The following FAM120B variants were observed in gnomAD, a reference collection of about 807,000 sequenced individuals.
FAM120B encodes the protein family with sequence similarity 120 member B.
In FAM120B, 83 loss-of-function variants were observed where a neutral mutation model predicts 96.3. The observed-to-expected ratio is 0.86, with a 90% CI of 0.72 to 1.03. FAM120B has a LOEUF of 1.03. Among genes scored for constraint, FAM120B ranks in the 50% least tolerant of loss-of-function variants. The pLI, the probability that FAM120B is intolerant of heterozygous loss-of-function variation, is 0.00. For missense variants in FAM120B, 1,027 were observed against 1,121.2 expected (o/e 0.92, Z 1.20); for synonymous variants, 407 against 402.7 (o/e 1.01, Z -0.13).
At chr6:170,331,985 C>T (rs372567206) in intron 4 of FAM120B, among the ~76,000 whole-genome samples, 103 of 152,158 alleles carry the variant, frequency 6.8e-4, no homozygotes, top group African/African-American at 2.2e-3. Flanking sequence ...AACTTTTATA[C>T]GGAGGGCCAC....
chr6:170,393,433 A>T (rs1405381744), intron 8 of FAM120B, among the ~76,000 whole-genome samples: 2 of 152,172 alleles, frequency 1.3e-5, no homozygotes, highest in African/African-American at 4.8e-5. Context: ...ATAGAAACTA[A>T]ATTTTGACTA....
In FAM120B at chr6:170,394,670, T is replaced by G. The variant is rs1790635766; in HGVS notation, c.2600-817T>G. ...ATGCCAGCACGAGGCCACGCCTCCG[T>G]GGACACCGCAGCATGTCAGCACAAG... On this transcript the variant is annotated intron_variant, in intron 8 of 10. Coordinates refer to ENST00000476287, the MANE Select transcript of FAM120B (RefSeq NM_032448.3). Among the ~76,000 whole-genome samples, 2 of 136,364 alleles carry G rather than the reference T, an allele frequency of 1.5e-5. 1 individual carries two copies. The highest frequency in any genetic ancestry group is 5.8e-5 in the African/African-American group (2 of 34,694). 89.5% of individuals were successfully genotyped at this position (136,364 alleles called of 152,430 possible). A position where few individuals can be genotyped will look rare whatever the true frequency, so the allele number is the denominator to read the frequency against.
At position 170,406,342 on chromosome 6, in the gene FAM120B, A is replaced by G. The variant is rs1289241062; in HGVS notation, c.*1591A>G. On this transcript the variant is annotated 3_prime_UTR_variant, in exon 11 of 11. Coordinates refer to ENST00000476287, the MANE Select transcript of FAM120B (RefSeq NM_032448.3). ...GTGCTCACCCCTGGCACCTAAAGACATTTCCTTCTGGTTGTTGCTCTTTAA... is the reference window on the plus strand; with the variant it reads ...GTGCTCACCCCTGGCACCTAAAGACGTTTCCTTCTGGTTGTTGCTCTTTAA... The G allele has an allele frequency of 1.3e-5, 2 of 152,114 alleles. No individual in the cohort carries two copies. Among genetic ancestry groups the G allele is most frequent in the East Asian group, 3.9e-4 (2 of 5,176 alleles). The allele number at this position is 152,114 out of a possible 1,614,324, so 9.4% of individuals were successfully genotyped here.
intron 4 of FAM120B, 54 bp from the exon 5 acceptor site, chr6:170,348,097 T>G: frequency 6.9e-7 from 1 of 1,448,366 alleles, no homozygotes; most frequent in Non-Finnish European, 9.5e-7. Context: ...AAGGAGCATA[T>G]TATAACTCTG....
At chr6:170,358,081 T>G (rs1349642360) in intron 5 of FAM120B, 145 bp from the exon 6 acceptor site, 4 of 652,324 alleles carry the variant, frequency 6.1e-6, no homozygotes, top group Admixed American at 2.4e-5. Context: ...TGTGCACATG[T>G]GGGTGCCTGT....
chr6:170,349,077 GGACACCTTTAGTAAAA>G (rs1277468367), intron 5 of FAM120B, among the ~76,000 whole-genome samples: 1 of 152,194 alleles, frequency 6.6e-6, no homozygotes, highest in African/African-American at 2.4e-5. Flanking sequence ...AATAGTGCTT[GGACACCTTTAGTAAAA>G]GAAAGGCTGA....
rs370950230 is a variant in FAM120B, at chr6:170,379,527, G to A, written c.2284-8760G>A. Among the ~76,000 whole-genome samples, 5 of 152,320 alleles carry A rather than the reference G, an allele frequency of 3.3e-5. No individual in the cohort carries two copies. The East Asian group carries it at 5.8e-4, about 18-fold the overall frequency. On this transcript the variant is annotated intron_variant, in intron 6 of 10. Coordinates refer to ENST00000476287, the MANE Select transcript of FAM120B (RefSeq NM_032448.3). ...AAAACCTGAAATCCGAAAAGCTCCA[G>A]TGAGTATTTTGTTTCAGCGTCATGT...
chr6:170,334,206 T>A (rs1786262660), intron 4 of FAM120B, among the ~76,000 whole-genome samples: 1 of 152,196 alleles, frequency 6.6e-6, no homozygotes, highest in Admixed American at 6.5e-5. Context: ...AATGCACACA[T>A]CTCATTGGTA....
chr6:170,371,805 C>T (rs1583282962), intron 6 of FAM120B, among the ~76,000 whole-genome samples: 1 of 152,284 alleles, frequency 6.6e-6, no homozygotes, highest in Non-Finnish European at 1.5e-5. Flanking sequence ...GATGATTGGC[C>T]AGGAGGCTGC....
intron 1 of FAM120B, among the ~76,000 whole-genome samples, chr6:170,299,688 T>C (rs189457060): frequency 6.6e-6 from 1 of 152,406 alleles, no homozygotes; most frequent in African/African-American, 2.4e-5. Context: ...GGATGGAAGC[T>C]AGAACAGGAC....
At chr6:170,391,546 A>AG (rs1443447901) in intron 8 of FAM120B, among the ~76,000 whole-genome samples, 4 of 152,060 alleles carry the variant, frequency 2.6e-5, no homozygotes, top group South Asian at 2.1e-4. Context: ...AAAAAAAAAA[A>AG]GTATTAAAAT....
chr6:170,300,799 CCTTT>C (rs973754758), intron 1 of FAM120B, among the ~76,000 whole-genome samples: 42 of 152,300 alleles, frequency 2.8e-4, no homozygotes, highest in Non-Finnish European at 4.7e-4. Flanking sequence ...AAAATGATCC[CCTTT>C]GACTCCATGT....
At chr6:170,376,586 G>C (rs551041359) in intron 6 of FAM120B, among the ~76,000 whole-genome samples, 3 of 152,292 alleles carry the variant, frequency 2.0e-5, no homozygotes, top group South Asian at 2.1e-4. Context: ...GAAAAGACCG[G>C]TAAGTACCCA....
chr6:170,330,554 C>A lies in FAM120B; in HGVS notation c.2017+4C>A. The A allele has an allele frequency of 6.2e-7, 1 of 1,609,056 alleles. No homozygotes were observed. Among genetic ancestry groups the A allele is most frequent in the Non-Finnish European group, 8.5e-7 (1 of 1,175,440 alleles). ...CCGCTGCAGATGACCATTCCAGGTA[C>A]AGGCAGCCTTTCTTTAAATGAACCA... On this transcript the variant is annotated splice_donor_region_variant and intron_variant, in intron 4 of 10. Coordinates refer to ENST00000476287, the MANE Select transcript of FAM120B (RefSeq NM_032448.3).
At chr6:170,398,463 G>A (rs916071003) in intron 9 of FAM120B, among the ~76,000 whole-genome samples, 1 of 151,918 alleles carries the variant, frequency 6.6e-6, no homozygotes, top group Non-Finnish European at 1.5e-5. Context: ...ATAAGCCTTA[G>A]GAGTGAGTGG....
chr6:170,335,000 A>T (rs951829176), intron 4 of FAM120B, among the ~76,000 whole-genome samples: 16 of 148,312 alleles, frequency 1.1e-4, no homozygotes, highest in African/African-American at 4.0e-4. Flanking sequence ...TCATCTAAAG[A>T]TTCACTTTGC....
At chr6:170,375,742 C>T (rs923473278) in intron 6 of FAM120B, among the ~76,000 whole-genome samples, 5 of 152,156 alleles carry the variant, frequency 3.3e-5, no homozygotes, top group African/African-American at 7.2e-5. Flanking sequence ...GTACAGCGGG[C>T]GAGAACTGCA....
At chr6:170,371,715 C>A (rs1225182968) in intron 6 of FAM120B, among the ~76,000 whole-genome samples, 1 of 152,236 alleles carries the variant, frequency 6.6e-6, no homozygotes, top group Non-Finnish European at 1.5e-5. Flanking sequence ...TCAGAGCCCC[C>A]TCTGTGCTCC....
intron 1 of FAM120B, among the ~76,000 whole-genome samples, chr6:170,309,775 G>T (rs1784485029): frequency 6.6e-6 from 1 of 152,158 alleles, no homozygotes. Flanking sequence ...GAGTTTTCTG[G>T]CTAGATTAGG....
Sources: allele counts gnomAD v4.1 joint callset (sites outside exome capture counted in the v4.1 genomes callset), GRCh38; gene constraint gnomAD v4.1.1; transcripts MANE v1.5; gene names NCBI Gene and HGNC (gene_info 2026-07-23, HGNC 2026-07-21).